Variants in MYBPC2 observed in about 807,000 individuals in gnomAD.
MYBPC2 encodes the protein myosin-binding protein C, fast-type.
In MYBPC2, 122 loss-of-function variants were observed where a neutral mutation model predicts 137.0. The observed-to-expected ratio is 0.89, with a 90% CI of 0.77 to 1.03. The LOEUF (loss-of-function observed/expected upper bound fraction) is 1.03. MYBPC2 is among the 50% of genes least tolerant of loss of function. The pLI is 0.00. For missense variants in MYBPC2, 1,500 were observed against 1,534.4 expected, an observed-to-expected ratio of 0.98 and a Z score of 0.37; for synonymous variants, 626 against 612.3, an observed-to-expected ratio of 1.02 and a Z score of -0.33.
chr19:50,443,394 A>G (rs1044354907), intron 9 of MYBPC2, 100 bp from the exon 10 acceptor site: 17 of 1,336,756 alleles, frequency 1.3e-5, no homozygotes, highest in Non-Finnish European at 1.6e-5. Context: ...TGGCTCTGAG[A>G]GAGAGAGAGA....
At chr19:50,457,767 C>T (rs2039927541) in intron 20 of MYBPC2, among the ~76,000 whole-genome samples, 1 of 149,206 alleles carries the variant, frequency 6.7e-6, no homozygotes, top group Non-Finnish European at 1.5e-5. Flanking sequence ...GCAACCTCTG[C>T]CTCCCAGGTT....
At chr19:50,440,249 A>G (rs1400874131) in intron 7 of MYBPC2, among the ~76,000 whole-genome samples, 2 of 152,014 alleles carry the variant, frequency 1.3e-5, no homozygotes, top group African/African-American at 2.4e-5. Flanking sequence ...GGTGTACCAA[A>G]ATCTCACAAA....
In MYBPC2 at chr19:50,454,069, G is replaced by A. The variant is rs2039884864; in HGVS notation, c.1799G>A (p.Cys600Tyr). The A allele has an allele frequency of 6.2e-7, 1 of 1,610,382 alleles. No homozygotes were observed. The highest frequency in any genetic ancestry group is 8.5e-7 in the Non-Finnish European group (1 of 1,178,450). Residue 600 changes from cysteine (C) to tyrosine (Y), a missense_variant, in exon 17 of 28, where the codon TGC (cysteine) becomes TAC (tyrosine). By Grantham distance (194) the Cys-to-Tyr change is radical. Transcript: ENST00000357701. Reference protein sequence around the residue: ...GRTRIEKRVDCSSFVIESAQR... With the variant: ...GRTRIEKRVDYSSFVIESAQR... Reference sequence around the variant, plus strand: ...ACCCGCATCGAGAAGCGGGTGGACTGCAGCAGCTTTGTGATTGAGAGTGCG... The same window carrying A: ...ACCCGCATCGAGAAGCGGGTGGACTACAGCAGCTTTGTGATTGAGAGTGCG...
At chr19:50,442,432 A>C in intron 9 of MYBPC2, 119 bp downstream of exon 9, 2 of 1,395,098 alleles carry the variant, frequency 1.4e-6, no homozygotes, top group Non-Finnish European at 1.9e-6. Context: ...TGAAGAGTAC[A>C]GGCCGGGCAC....
At chr19:50,437,844 C>T in intron 7 of MYBPC2, 126 bp downstream of exon 7, 5 of 1,068,566 alleles carry the variant, frequency 4.7e-6, no homozygotes, top group Non-Finnish European at 6.9e-6. Context: ...TCCATCTGTT[C>T]ACTCCCTGCC....
At chr19:50,444,290 TCATCCATCCATCCATCCATCCATC>T (rs66680495) in intron 11 of MYBPC2, among the ~76,000 whole-genome samples, 10 of 117,900 alleles carry the variant, frequency 8.5e-5, no homozygotes, top group African/African-American at 2.7e-4. Flanking sequence ...GTCCATCCAT[TCATCCATCCATCCATCCATCCATC>T]CATCCATCCA....
At position 50,464,368 on chromosome 19, in the gene MYBPC2, A is replaced by G; in HGVS notation, c.3251A>G (p.Asn1084Ser). The change falls in exon 27 of 28, where the codon AAC (asparagine) becomes AGC (serine). Residue 1084 changes from asparagine to serine, a missense_variant. By Grantham distance (46) the Asn-to-Ser change is conservative (BLOSUM62 1). Transcript: ENST00000357701. Reference protein sequence around the residue: ...HPKPKVVWMKNKMEIREDPKF... With the variant: ...HPKPKVVWMKSKMEIREDPKF... ...CAGCCGAAGGTGGTCTGGATGAAGA[A>G]CAAGATGGAAATCCGTGAAGATCCC... The G allele has an allele frequency of 2.5e-6, 4 of 1,609,350 alleles. No individual in the cohort carries two copies. Among genetic ancestry groups the G allele is most frequent in the Non-Finnish European group, 3.4e-6 (4 of 1,178,014 alleles).
Position 50,445,926 on chromosome 19 carries a change from C to T in MYBPC2, c.1180C>T (p.Arg394Trp), listed in dbSNP as rs200673695. ...GACTCGGGAGGATTCCTTCAAGGCC[C>T]GGTACCGCTTCAAGAAGGACGGGAA... is the stretch of plus-strand genomic sequence containing the variant. ...ELTREDSFKA[R>W]YRFKKDGKRH... The change falls in exon 12 of 28, where the codon CGG becomes TGG. Residue 394 changes from arginine (R) to tryptophan (W), a missense_variant. Arg to Trp is a moderately radical substitution (Grantham distance 101). Transcript: ENST00000357701. 31 of 1,610,534 alleles carry T rather than the reference C, an allele frequency of 1.9e-5. No individual in the cohort carries two copies. The Admixed American group carries it at 2.0e-4, about 10-fold the overall frequency.
At chr19:50,461,819 A>G in intron 25 of MYBPC2, 81 bp from the exon 26 acceptor site, 2 of 1,578,382 alleles carry the variant, frequency 1.3e-6, no homozygotes, top group East Asian at 2.3e-5. Context: ...CATGGGAGAG[A>G]GGTGATTGCG....
intron 8 of MYBPC2, 39 bp from the exon 9 acceptor site, chr19:50,442,142 C>A: frequency 3.2e-6 from 5 of 1,560,052 alleles, no homozygotes; most frequent in Non-Finnish European, 4.3e-6. Flanking sequence ...GGAATGAGGA[C>A]CACACGCCTC....
intron 16 of MYBPC2, among the ~76,000 whole-genome samples, chr19:50,452,327 G>T (rs141624078): frequency 6.6e-6 from 1 of 152,072 alleles, no homozygotes; most frequent in Non-Finnish European, 1.5e-5. Flanking sequence ...CCATCCACTC[G>T]TCCAGTAATT....
rs932157656 is a variant in MYBPC2, at chr19:50,465,338, C to T, written c.3415+806C>T. Reference sequence around the variant, plus strand: ...TTCCCTCTTCCTGGAACACAATTCCCCCGCTCCTTTACCCTGGGCTCCGGC... The same window carrying T: ...TTCCCTCTTCCTGGAACACAATTCCTCCGCTCCTTTACCCTGGGCTCCGGC... On this transcript the variant is annotated intron_variant, in intron 27 of 27. Transcript: ENST00000357701. This position sits in a 1 kb window ranked among gnomAD's most constrained non-coding sequence, Gnocchi z 4.5. Among the ~76,000 whole-genome samples the T allele has an allele frequency of 6.6e-6, 1 of 152,232 alleles. No individual in the cohort carries two copies. Among genetic ancestry groups the T allele is most frequent in the African/African-American group, 2.4e-5 (1 of 41,456 alleles).
At chr19:50,447,329 C>T (rs149904373) in intron 12 of MYBPC2, among the ~76,000 whole-genome samples, 2 of 152,152 alleles carry the variant, frequency 1.3e-5, no homozygotes, top group African/African-American at 4.8e-5. Flanking sequence ...TTTTTGCAAG[C>T]TCTAGGGGTC....
At position 50,465,436 on chromosome 19, in the gene MYBPC2, A is replaced by G. The variant is rs896326565; in HGVS notation, c.3416-759A>G. Among the ~76,000 whole-genome samples, 1 of 152,224 alleles carries G rather than the reference A, an allele frequency of 6.6e-6. No homozygotes were observed. The highest frequency in any genetic ancestry group is 1.9e-4 in the East Asian group (1 of 5,196). ...TGTCCCTCAGAGCAGGATGACATCA[A>G]TGTGGACTTCCAGAGTCCCTCCCGG... On this transcript the variant is annotated intron_variant, in intron 27 of 27. Transcript: ENST00000357701. The surrounding 1 kb of genome is among the most constrained non-coding windows in gnomAD (Gnocchi z 4.5).
rs770244457 is a variant in MYBPC2 at position 50,440,890 on chromosome 19, G to C, written c.583G>C (p.Glu195Gln). 3.7e-6 allele frequency: 6 copies of C among 1,612,924 alleles called. No individual in the cohort carries two copies. The South Asian group carries it at 6.6e-5, about 18-fold the overall frequency. ...SGLLKKREVV[E>Q]EEKKKKKKDD... is the part of the protein sequence containing the mutation. ...TCCCCCACCCGCCAGGGAGGTGGTGGAGGAGGAGAAGAAGAAGAAAAAGAA... is the reference window on the plus strand; with the variant it reads ...TCCCCCACCCGCCAGGGAGGTGGTGCAGGAGGAGAAGAAGAAGAAAAAGAA... Residue 195 changes from glutamate to glutamine, a missense_variant, in exon 8 of 28, where the codon GAG becomes CAG. Glu to Gln is a conservative substitution (Grantham distance 29). Transcript: ENST00000357701.
rs2039695501 is a variant in MYBPC2 at position 50,435,635 on chromosome 19, G to A, written c.110-141G>A. 2.7e-6 allele frequency: 2 copies of A among 741,766 alleles called. No homozygotes were observed. Among genetic ancestry groups the A allele is most frequent in the Non-Finnish European group, 4.4e-6 (2 of 459,726 alleles). The allele number at this position is 741,766 out of a possible 1,614,324, so 45.9% of individuals were successfully genotyped here. On this transcript the variant is annotated intron_variant, in intron 2 of 27. Coordinates refer to ENST00000357701, the MANE Select transcript of MYBPC2 (RefSeq NM_004533.4). This position sits in a 1 kb window ranked among gnomAD's most constrained non-coding sequence, Gnocchi z 4.8. ...TGACAGGTGGCCTTTCCCAGGTCAG[G>A]AAAAGCCATTTAACCCCCATGATGT... is the stretch of plus-strand genomic sequence containing the variant.
At position 50,460,083 on chromosome 19, in the gene MYBPC2, G is replaced by A. The variant is rs1179813261; in HGVS notation, c.2835G>A (p.Trp945Ter). 1 of 1,567,144 alleles carries A rather than the reference G, an allele frequency of 6.4e-7. No individual in the cohort carries two copies. The highest frequency in any genetic ancestry group is 8.6e-7 in the Non-Finnish European group (1 of 1,156,280). ...PPINVMVKEVWGTNALVEWQA... is the reference protein window; with the variant it reads ...PPINVMVKEV ...TAAACGTGATGGTGAAGGAGGTGTG[G>A]GGCACGAACGCGCTGGTGGAGTGGC... Residue 945 changes from tryptophan (W) to a stop codon, truncating the protein, a stop_gained, in exon 24 of 28, where the codon TGG becomes TGA. Coordinates refer to ENST00000357701, the MANE Select transcript of MYBPC2 (RefSeq NM_004533.4). LOFTEE classifies it high-confidence loss of function.
intron 9 of MYBPC2, among the ~76,000 whole-genome samples, chr19:50,442,528 A>G (rs2039765720): frequency 6.6e-6 from 1 of 152,090 alleles, no homozygotes; most frequent in Admixed American, 6.6e-5. Context: ...CAGCCTGGCT[A>G]ACATGGTGAA....
intron 4 of MYBPC2, 143 bp downstream of exon 4, chr19:50,436,303 C>T (rs901020004): frequency 1.1e-5 from 15 of 1,335,986 alleles, no homozygotes; most frequent in South Asian, 3.0e-5. Context: ...GGAGGTTGTG[C>T]GGGGCTGCTG....
Sources: allele counts gnomAD v4.1 joint callset (sites outside exome capture counted in the v4.1 genomes callset), GRCh38; gene constraint gnomAD v4.1.1; non-coding constraint Gnocchi (gnomAD v3.1); transcripts MANE v1.5; gene names NCBI Gene and HGNC (gene_info 2026-07-23, HGNC 2026-07-21).